MSRB3: variants seen among roughly 807,000 people sequenced by gnomAD.
MSRB3 encodes methionine-R-sulfoxide reductase B3.
In MSRB3, 13 loss-of-function variants were observed where a neutral mutation model predicts 21.0. The ratio of observed to expected loss-of-function variants is 0.62; its 90% CI spans 0.40 to 0.98. MSRB3 has a LOEUF of 0.98. Ranked by LOEUF, MSRB3 falls within the 50% of genes least tolerant of loss-of-function variation. The pLI is 0.00. For synonymous variants in MSRB3, 87 were observed against 88.6 expected (o/e 0.98, Z 0.10); for missense variants, 199 against 230.3 (o/e 0.86, Z 0.88).
rs1402456371 is a variant in MSRB3, at chr12:65,278,874, G to T, written c.-52+9G>T. Reference sequence around the variant, plus strand: ...GGGAAGTGCGCAGTCCGGTAAGTTCGGGCTCCCCTCCCCTCTCCTCCTCGC... The same window carrying T: ...GGGAAGTGCGCAGTCCGGTAAGTTCTGGCTCCCCTCCCCTCTCCTCCTCGC... On this transcript the variant is annotated intron_variant, in intron 1 of 6. Transcript: ENST00000308259. The T allele has an allele frequency of 6.4e-7, 1 of 1,553,846 alleles. No homozygotes were observed.
intron 5 of MSRB3, among the ~76,000 whole-genome samples, chr12:65,450,537 C>T (rs1002559137): frequency 2.0e-5 from 3 of 152,118 alleles, no homozygotes; most frequent in Non-Finnish European, 4.4e-5. Flanking sequence ...GTGGGGTGAA[C>T]TGAGTCTGTT....
At chr12:65,404,092 G>A (rs567788823) in intron 5 of MSRB3, among the ~76,000 whole-genome samples, 8 of 152,334 alleles carry the variant, frequency 5.3e-5, no homozygotes, top group African/African-American at 1.4e-4. Context: ...TAGAGATAGA[G>A]TTTCACCATG....
At chr12:65,437,214 G>A (rs573722157) in intron 5 of MSRB3, among the ~76,000 whole-genome samples, 1 of 151,958 alleles carries the variant, frequency 6.6e-6, no homozygotes, top group Non-Finnish European at 1.5e-5. Context: ...GCAGGATTTT[G>A]AATGTGACAG....
intron 5 of MSRB3, among the ~76,000 whole-genome samples, chr12:65,380,448 C>A (rs1156360497): frequency 6.6e-6 from 1 of 151,920 alleles, no homozygotes; most frequent in Non-Finnish European, 1.5e-5. Flanking sequence ...TGGTGGTGCA[C>A]CCCTGTAATC....
chr12:65,291,260 A>G (rs976502857), intron 1 of MSRB3, among the ~76,000 whole-genome samples: 23 of 151,694 alleles, frequency 1.5e-4, no homozygotes, highest in African/African-American at 4.8e-4. Flanking sequence ...TAATCTTTGT[A>G]TTTTTAGAAG....
chr12:65,333,761 T>G (rs1875578895), intron 4 of MSRB3, among the ~76,000 whole-genome samples: 1 of 152,228 alleles, frequency 6.6e-6, no homozygotes, highest in Non-Finnish European at 1.5e-5. Flanking sequence ...AATTTCTACT[T>G]TGTTTTATAA....
Position 65,330,386 on chromosome 12 carries a change from T to C in MSRB3, c.263+1783T>C, listed in dbSNP as rs930530587. Among the ~76,000 whole-genome samples the C allele has an allele frequency of 3.9e-5, 6 of 152,248 alleles. No individual in the cohort carries two copies. The South Asian group carries it at 1.2e-3, about 32-fold the overall frequency. On this transcript the variant is annotated intron_variant, in intron 4 of 6. Coordinates refer to ENST00000308259, the MANE Select transcript of MSRB3 (RefSeq NM_001031679.3). ...TTCCACATTTATAAGGAATGTGATT[T>C]AATACTTTCATTCTACTTTTTTCTT...
chr12:65,440,713 A>G (rs945452679), intron 5 of MSRB3, among the ~76,000 whole-genome samples: 3 of 151,964 alleles, frequency 2.0e-5, no homozygotes. Flanking sequence ...ATAGTAACCT[A>G]TGGATTACTC....
At chr12:65,352,646 C>T (rs972270397) in intron 4 of MSRB3, among the ~76,000 whole-genome samples, 1 of 151,886 alleles carries the variant, frequency 6.6e-6, no homozygotes, top group African/African-American at 2.4e-5. Flanking sequence ...GTACAAAAAT[C>T]ACAAGCATTC....
At chr12:65,410,084 C>A (rs1880635568) in intron 5 of MSRB3, among the ~76,000 whole-genome samples, 1 of 151,866 alleles carries the variant, frequency 6.6e-6, no homozygotes, top group Admixed American at 6.6e-5. Flanking sequence ...GTTTTAATTG[C>A]ATTATTTAAT....
intron 1 of MSRB3, among the ~76,000 whole-genome samples, chr12:65,305,947 C>G (rs1873627239): frequency 6.6e-6 from 1 of 152,206 alleles, no homozygotes; most frequent in South Asian, 2.1e-4. Flanking sequence ...ATAATAATAG[C>G]TAACATTTCC....
chr12:65,326,863 T>C lies in MSRB3; in HGVS notation c.114T>C (p.Phe38=), dbSNP rs114599476. The C allele has an allele frequency of 1.5e-4, 243 of 1,612,462 alleles. No individual in the cohort carries two copies. In the African/African-American group the frequency reaches 2.9e-3, roughly 19 times the overall value. Residue 38 remains phenylalanine, a synonymous_variant, in exon 3 of 7, where the codon TTT becomes TTC. Coordinates refer to ENST00000308259, the MANE Select transcript of MSRB3 (RefSeq NM_001031679.3). The part of the protein sequence containing the change: ...CRDKKNCKVV[F]SQQELRKRLT... ...ATAAAAAGAACTGTAAGGTGGTCTT[T>C]TCCCAGCAGGAACTGAGGAAGCGGC...
At chr12:65,345,698 A>G (rs1025973619) in intron 4 of MSRB3, among the ~76,000 whole-genome samples, 6 of 152,148 alleles carry the variant, frequency 3.9e-5, no homozygotes, top group Admixed American at 1.3e-4. Context: ...ATCATTTAAC[A>G]TTAGGTATAT....
intron 4 of MSRB3, among the ~76,000 whole-genome samples, chr12:65,362,923 T>G (rs1325532714): frequency 6.6e-6 from 1 of 152,194 alleles, no homozygotes; most frequent in Admixed American, 6.5e-5. Flanking sequence ...TGGTAGACCT[T>G]GTAGGTCTAC....
chr12:65,331,333 A>G (rs985949357), intron 4 of MSRB3, among the ~76,000 whole-genome samples: 5 of 152,198 alleles, frequency 3.3e-5, no homozygotes, highest in African/African-American at 1.2e-4. Flanking sequence ...ATTCTAAAGA[A>G]TACAGGAATA....
At chr12:65,334,245 C>CT (rs1875617917) in intron 4 of MSRB3, among the ~76,000 whole-genome samples, 1 of 152,188 alleles carries the variant, frequency 6.6e-6, no homozygotes, top group Admixed American at 6.5e-5. Flanking sequence ...CTAACACTTA[C>CT]TACAGCACTT....
chr12:65,347,101 G>GT (rs1302921013), intron 4 of MSRB3, among the ~76,000 whole-genome samples: 4 of 152,174 alleles, frequency 2.6e-5, no homozygotes, highest in Admixed American at 2.0e-4. Context: ...CTTTAAAGTA[G>GT]TTTTTTCCAA....
intron 5 of MSRB3, among the ~76,000 whole-genome samples, chr12:65,406,425 T>C (rs1022329500): frequency 6.6e-6 from 1 of 152,212 alleles, no homozygotes; most frequent in African/African-American, 2.4e-5. Flanking sequence ...TATAAAACGT[T>C]CATGAAAGGA....
intron 6 of MSRB3, among the ~76,000 whole-genome samples, chr12:65,460,661 C>T (rs1178185912): frequency 6.6e-6 from 1 of 152,052 alleles, no homozygotes; most frequent in African/African-American, 2.4e-5. Flanking sequence ...GATTTTTCTA[C>T]CCCCATCCTC....
Sources: allele counts gnomAD v4.1 joint callset (sites outside exome capture counted in the v4.1 genomes callset), GRCh38; gene constraint gnomAD v4.1.1; transcripts MANE v1.5; gene names NCBI Gene and HGNC (gene_info 2026-07-23, HGNC 2026-07-21).